The following PLXNA4 variants were observed in gnomAD, a reference collection of about 807,000 sequenced individuals.
PLXNA4 encodes the protein plexin-A4.
Under a neutral mutation model 191.8 loss-of-function variants are expected in PLXNA4, and 44 were observed. The observed-to-expected ratio is 0.23, with a 90% CI of 0.18 to 0.29. PLXNA4 has a LOEUF of 0.29. Ranked by LOEUF, PLXNA4 falls within the 10% of genes least tolerant of loss-of-function variation. PLXNA4 has a pLI of 1.00. For synonymous variants in PLXNA4, 1,082 were observed against 1,009.5 expected (o/e 1.07, Z -1.36); for missense variants, 1,800 against 2,488.8 (o/e 0.72, Z 5.89).
chr7:132,132,356 A>T (rs971159217), intron 31 of PLXNA4, among the ~76,000 whole-genome samples: 1 of 146,060 alleles, frequency 6.8e-6, no homozygotes, highest in Non-Finnish European at 1.5e-5. Flanking sequence ...CCAGTGAGGG[A>T]ACAAAACAGA....
chr7:132,203,300 G>T, intron 11 of PLXNA4, 23 bp downstream of exon 11: 1 of 1,397,376 alleles, frequency 7.2e-7, no homozygotes, highest in Non-Finnish European at 9.8e-7. Flanking sequence ...TCCCTCCCCT[G>T]CTAGGCCCCA....
At chr7:132,316,348 T>C (rs973448124) in intron 3 of PLXNA4, among the ~76,000 whole-genome samples, 78 of 150,888 alleles carry the variant, frequency 5.2e-4, no homozygotes, top group African/African-American at 1.5e-3. Context: ...TGGGAAAACC[T>C]TGATGTTCTT....
chr7:132,333,473 C>T (rs1388494806), intron 3 of PLXNA4, among the ~76,000 whole-genome samples: 1 of 152,176 alleles, frequency 6.6e-6, no homozygotes, highest in Admixed American at 6.5e-5. Context: ...GTGCCAGTGC[C>T]AGGGGAGGTG....
At chr7:132,229,796 T>G (rs1798461534) in intron 5 of PLXNA4, among the ~76,000 whole-genome samples, 1 of 151,284 alleles carries the variant, frequency 6.6e-6, no homozygotes, top group African/African-American at 2.4e-5. Context: ...AGCAGACAGG[T>G]GTGGTGTGGG....
chr7:132,560,586 A>G (rs1216113460), intron 1 of PLXNA4, among the ~76,000 whole-genome samples: 1 of 152,102 alleles, frequency 6.6e-6, no homozygotes, highest in African/African-American at 2.4e-5. Flanking sequence ...TGCCGGGGAC[A>G]CAAGAGCCTT....
At chr7:132,559,534 G>A (rs527896776) in intron 1 of PLXNA4, among the ~76,000 whole-genome samples, 2 of 152,334 alleles carry the variant, frequency 1.3e-5, no homozygotes, top group African/African-American at 4.8e-5. Flanking sequence ...GCCCTGCACT[G>A]TCTGGGGCCT....
intron 1 of PLXNA4, among the ~76,000 whole-genome samples, chr7:132,520,075 C>T (rs890406277): frequency 6.6e-6 from 1 of 152,166 alleles, no homozygotes; most frequent in Non-Finnish European, 1.5e-5. Context: ...GATTACAACA[C>T]CCAGGGGTGG....
intron 3 of PLXNA4, among the ~76,000 whole-genome samples, chr7:132,412,612 T>C (rs1360750791): frequency 6.6e-6 from 1 of 152,250 alleles, no homozygotes; most frequent in Non-Finnish European, 1.5e-5. Flanking sequence ...GAGGCGATTA[T>C]GAGGCAGTGA....
chr7:132,204,962 G>A (rs748754371), intron 10 of PLXNA4, among the ~76,000 whole-genome samples: 110 of 152,264 alleles, frequency 7.2e-4, no homozygotes, highest in Admixed American at 1.8e-3. Context: ...CTGGCAACGC[G>A]TGCCAGGGCC....
chr7:132,279,289 A>G (rs1243046826), intron 4 of PLXNA4, among the ~76,000 whole-genome samples: 1 of 152,056 alleles, frequency 6.6e-6, no homozygotes, highest in Non-Finnish European at 1.5e-5. Context: ...AAATACATTC[A>G]TTTTCCATGT....
In PLXNA4 at chr7:132,313,408, T is replaced by C. The variant is rs535837965; in HGVS notation, c.1372-15186A>G. ...GGACAGGGAGAGACTAAAAGTAGGG[T>C]GACAGTAAAGGACTATGATTCTTAT... is the stretch of plus-strand genomic sequence containing the variant. On this transcript the variant is annotated intron_variant, in intron 3 of 31. Coordinates refer to ENST00000321063, the MANE Select transcript of PLXNA4 (RefSeq NM_020911.2). Among the ~76,000 whole-genome samples, 9 of 152,058 alleles carry C rather than the reference T, an allele frequency of 5.9e-5. No individual in the cohort carries two copies. The South Asian group carries it at 6.2e-4, about 11-fold the overall frequency.
chr7:132,414,542 C>G (rs543429183), intron 3 of PLXNA4, among the ~76,000 whole-genome samples: 3 of 152,274 alleles, frequency 2.0e-5, no homozygotes, highest in African/African-American at 7.2e-5. Flanking sequence ...AATATCCACA[C>G]AGAGGTTTGA....
At chr7:132,587,185 T>C (rs1197179851) in intron 2 of PLXNA4, among the ~76,000 whole-genome samples, 2 of 152,088 alleles carry the variant, frequency 1.3e-5, no homozygotes, top group African/African-American at 2.4e-5. Context: ...AGGGAATTAA[T>C]TGGAAACAAT....
intron 14 of PLXNA4, among the ~76,000 whole-genome samples, chr7:132,188,811 T>C (rs745860471): frequency 1.3e-4 from 20 of 151,708 alleles, no homozygotes; most frequent in Non-Finnish European, 2.5e-4. Flanking sequence ...ATTTCACCTC[T>C]CTCATCAACA....
At chr7:132,151,545 A>G (rs1483555745) in intron 25 of PLXNA4, among the ~76,000 whole-genome samples, 16 of 75,686 alleles carry the variant, frequency 2.1e-4, no homozygotes, top group East Asian at 9.1e-4. Flanking sequence ...GAGGAGGAGA[A>G]AGGAGGAGGA....
intron 2 of PLXNA4, among the ~76,000 whole-genome samples, chr7:132,505,367 G>A (rs147927282): frequency 2.3e-4 from 35 of 152,292 alleles, no homozygotes; most frequent in South Asian, 1.2e-3. Flanking sequence ...CCAGACGGAC[G>A]CCTGCAGCTG....
intron 1 of PLXNA4, among the ~76,000 whole-genome samples, chr7:132,563,900 CCTCCTT>C (rs1166763693): frequency 7.9e-6 from 1 of 126,696 alleles, no homozygotes; most frequent in Non-Finnish European, 1.7e-5. Context: ...TGCTCCTCCT[CCTCCTT>C]CTCCTCCTCC....
At chr7:132,606,405 G>A (rs1408064096) in intron 2 of PLXNA4, among the ~76,000 whole-genome samples, 5 of 152,200 alleles carry the variant, frequency 3.3e-5, no homozygotes, top group African/African-American at 1.2e-4. Flanking sequence ...CTAGTTCCTT[G>A]AGCAGGTTAG....
chr7:132,600,336 T>C (rs1309728311), intron 2 of PLXNA4, among the ~76,000 whole-genome samples: 1 of 152,138 alleles, frequency 6.6e-6, no homozygotes, highest in Non-Finnish European at 1.5e-5. Context: ...TTCTTTAATA[T>C]TTTTGGTCTA....
Sources: allele counts gnomAD v4.1 joint callset (sites outside exome capture counted in the v4.1 genomes callset), GRCh38; gene constraint gnomAD v4.1.1; transcripts MANE v1.5; gene names NCBI Gene and HGNC (gene_info 2026-07-23, HGNC 2026-07-21).